Variants in MAP3K5 observed in about 807,000 individuals in gnomAD.
MAP3K5 encodes the protein mitogen-activated protein kinase kinase kinase 5.
A neutral mutation model predicts 158.7 loss-of-function variants in MAP3K5; 56 were observed. That is an observed-to-expected ratio of 0.35 (90% CI 0.28 to 0.44). The LOEUF (loss-of-function observed/expected upper bound fraction) is 0.44, where lower values mean the gene tolerates loss of function less well. Among genes scored for constraint, MAP3K5 ranks in the 20% least tolerant of loss-of-function variants. The pLI is 1.00. For synonymous variants in MAP3K5, 579 were observed against 601.7 expected, an observed-to-expected ratio of 0.96 and a Z score of 0.55; for missense variants, 1,294 against 1,674.8, an observed-to-expected ratio of 0.77 and a Z score of 3.97.
rs763238134 is a variant in MAP3K5 at position 136,695,932 on chromosome 6, G to C, written c.1082+19C>G. The C allele has an allele frequency of 6.1e-6, 9 of 1,472,548 alleles. No homozygotes were observed. In the Admixed American group the frequency reaches 1.4e-4, roughly 23 times the overall value. The allele number at this position is 1,472,548 out of a possible 1,614,324, so 91.2% of individuals were successfully genotyped here. On this transcript the variant is annotated intron_variant, in intron 6 of 29. Coordinates refer to ENST00000359015, the MANE Select transcript of MAP3K5 (RefSeq NM_005923.4). Reference sequence around the variant, plus strand: ...AATAATATGTTAACGCATTCTGGAAGGGAACTTTTTCTTCTTACCTATTCA... The same window carrying C: ...AATAATATGTTAACGCATTCTGGAACGGAACTTTTTCTTCTTACCTATTCA...
intron 25 of MAP3K5, among the ~76,000 whole-genome samples, chr6:136,577,663 C>A (rs577992519): frequency 6.6e-6 from 1 of 152,318 alleles, no homozygotes; most frequent in East Asian, 1.9e-4. Flanking sequence ...AGAGTTTCAC[C>A]TACAGTTACT....
rs1782513791 is a variant in MAP3K5, at chr6:136,737,215, A to C, written c.449-16626T>G. ...AAGTACACATGGACATAAAAATAGG[A>C]ATAGACACTGGGGATACTAGAGACG... On this transcript the variant is annotated intron_variant, in intron 1 of 29. Coordinates refer to ENST00000359015, the MANE Select transcript of MAP3K5 (RefSeq NM_005923.4). 2.0e-5 allele frequency among the ~76,000 whole-genome samples: 3 copies of C among 151,952 alleles called. No homozygotes were observed. The South Asian group carries it at 6.2e-4, about 32-fold the overall frequency.
chr6:136,683,795 T>C (rs1355888750), intron 7 of MAP3K5, among the ~76,000 whole-genome samples: 2 of 152,186 alleles, frequency 1.3e-5, no homozygotes, highest in African/African-American at 4.8e-5. Context: ...GAAATGTCTA[T>C]TCCTGGAAAC....
chr6:136,669,884 GGTGTGTGTGTGTGTGTGTGTGTGT>G (rs60778677), intron 7 of MAP3K5, among the ~76,000 whole-genome samples: 2 of 144,402 alleles, frequency 1.4e-5, no homozygotes, highest in Admixed American at 6.9e-5. Context: ...CATCATTCAG[GGTGTGTGTGTGTGTGTGTGTGTGT>G]GTGTGTGTGT....
rs114824668 is a variant in MAP3K5, at chr6:136,614,151, T to C, written c.2278+8A>G. ...TTCACACTTTTTAAAGAAAGAAATA[T>C]CTCTTACCTCCAGGGACCTGCTCCA... On this transcript the variant is annotated splice_region_variant and intron_variant, in intron 16 of 29. Coordinates refer to ENST00000359015, the MANE Select transcript of MAP3K5 (RefSeq NM_005923.4). 1,547 of 1,609,154 alleles carry C rather than the reference T, an allele frequency of 9.6e-4. 17 individuals carry two copies. In the African/African-American group the frequency reaches 0.019, roughly 20 times the overall value.
At chr6:136,620,447 A>AT (rs2129095138) in intron 15 of MAP3K5, among the ~76,000 whole-genome samples, 1 of 152,246 alleles carries the variant, frequency 6.6e-6, no homozygotes, top group East Asian at 1.9e-4. Context: ...AAGGAAAAAA[A>AT]TCCAGGTTCA....
chr6:136,689,549 T>C (rs1430579911), intron 7 of MAP3K5, among the ~76,000 whole-genome samples: 1 of 152,174 alleles, frequency 6.6e-6, no homozygotes, highest in Non-Finnish European at 1.5e-5. Flanking sequence ...TGTTAGGAGA[T>C]GGAGCCTAAT....
chr6:136,743,243 A>G (rs1272383656), intron 1 of MAP3K5, among the ~76,000 whole-genome samples: 1 of 152,168 alleles, frequency 6.6e-6, no homozygotes, highest in Non-Finnish European at 1.5e-5. Flanking sequence ...GAGGTCACGA[A>G]ATCGAGACCA....
chr6:136,561,478 C>T (rs74371630), intron 28 of MAP3K5, 55 bp downstream of exon 28: 34,500 of 1,328,214 alleles, frequency 0.026, 585 homozygotes, highest in Non-Finnish European at 0.032. Context: ...TAGCAGGCAC[C>T]CAACATTATG....
In MAP3K5 at chr6:136,643,110, C is replaced by T. The variant is rs561219723; in HGVS notation, c.1789-541G>A. ...TGCCCATCATAACTACAAGGTATTG[C>T]TACCTAATTTATGCAAAATTCCATA... is the stretch of plus-strand genomic sequence containing the variant. On this transcript the variant is annotated intron_variant, in intron 11 of 29. Transcript: ENST00000359015. Among the ~76,000 whole-genome samples the T allele has an allele frequency of 1.8e-4, 28 of 152,228 alleles. No individual in the cohort carries two copies. The South Asian group carries it at 5.6e-3, about 30-fold the overall frequency.
intron 2 of MAP3K5, among the ~76,000 whole-genome samples, chr6:136,719,099 G>T (rs896929223): frequency 6.6e-6 from 1 of 152,080 alleles, no homozygotes; most frequent in South Asian, 2.1e-4. Context: ...TCACTTGAAC[G>T]CAGGAGGTCA....
At chr6:136,674,410 G>A (rs1305560078) in intron 7 of MAP3K5, among the ~76,000 whole-genome samples, 2 of 151,990 alleles carry the variant, frequency 1.3e-5, no homozygotes, top group South Asian at 2.1e-4. Flanking sequence ...TATAAAAGTC[G>A]AGGATGCAGG....
At chr6:136,713,916 A>G (rs983739579) in intron 2 of MAP3K5, among the ~76,000 whole-genome samples, 1 of 152,188 alleles carries the variant, frequency 6.6e-6, no homozygotes, top group Non-Finnish European at 1.5e-5. Flanking sequence ...ATAGGATCAT[A>G]TTTTCCAAGG....
chr6:136,727,735 C>T (rs951449117), intron 1 of MAP3K5, among the ~76,000 whole-genome samples: 12 of 152,060 alleles, frequency 7.9e-5, no homozygotes, highest in Non-Finnish European at 1.6e-4. Flanking sequence ...CCAAGGCGGG[C>T]GGACCACAAG....
At chr6:136,569,965 A>C (rs1254379013) in intron 25 of MAP3K5, among the ~76,000 whole-genome samples, 1 of 152,206 alleles carries the variant, frequency 6.6e-6, no homozygotes, top group Non-Finnish European at 1.5e-5. Context: ...CGGATCATGG[A>C]ACCTACTAAA....
intron 18 of MAP3K5, among the ~76,000 whole-genome samples, chr6:136,607,240 T>A (rs550648292): frequency 6.6e-6 from 1 of 152,334 alleles, no homozygotes; most frequent in African/African-American, 2.4e-5. Context: ...AATGAGAGAA[T>A]TTAAGTTGTA....
intron 7 of MAP3K5, among the ~76,000 whole-genome samples, chr6:136,684,730 A>G (rs1780074850): frequency 6.6e-6 from 1 of 152,126 alleles, no homozygotes; most frequent in South Asian, 2.1e-4. Context: ...TCTAACTAGC[A>G]TGTGACGGGC....
chr6:136,728,289 G>T (rs1383660800), intron 1 of MAP3K5, among the ~76,000 whole-genome samples: 2 of 152,142 alleles, frequency 1.3e-5, no homozygotes, highest in African/African-American at 4.8e-5. Context: ...GCTGCTGCTT[G>T]TGAAGAGAAG....
At position 136,572,219 on chromosome 6, in the gene MAP3K5, A is replaced by G. The variant is rs191104535; in HGVS notation, c.3518-4345T>C. Among the ~76,000 whole-genome samples the G allele has an allele frequency of 3.3e-5, 5 of 152,276 alleles. No homozygotes were observed. In the East Asian group the frequency reaches 9.6e-4, roughly 29 times the overall value. On this transcript the variant is annotated intron_variant, in intron 25 of 29. Transcript: ENST00000359015. ...AGAGGACAAGATTAGACCTTTTACA[A>G]CTTTCTATAATTATTCTTCAATTTA...
Sources: gnomAD v4.1 joint callset for allele counts (sites outside exome capture counted in the v4.1 genomes callset) on GRCh38, gnomAD v4.1.1 for gene constraint, MANE v1.5 for transcripts, NCBI Gene and HGNC (gene_info 2026-07-23, HGNC 2026-07-21) for gene names.